The following NUDT7 variants were observed in gnomAD, a reference collection of about 807,000 sequenced individuals.
NUDT7 encodes peroxisomal coenzyme A diphosphatase NUDT7.
NUDT7 carries 19 observed loss-of-function variants against 13.1 expected under a neutral mutation model. That is an observed-to-expected ratio of 1.45 (90% confidence interval 1.01 to 2.13). The LOEUF (loss-of-function observed/expected upper bound fraction) is 2.13, where lower values mean the gene tolerates loss of function less well. Ranked by LOEUF, NUDT7 falls within the 30% of genes most tolerant of loss-of-function variation. The probability of loss-of-function intolerance (pLI) is 0.00; values close to 1 mark genes in which losing one functional copy is unlikely to be tolerated. For missense variants in NUDT7, 360 were observed against 291.7 expected (o/e 1.23, Z -1.71); for synonymous variants, 132 against 109.7 (o/e 1.20, Z -1.27).
In NUDT7 at chr16:77,722,587, C is replaced by G; in HGVS notation, c.5C>G (p.Ser2Ter). Residue 2 changes from serine to a stop codon, truncating the protein, a stop_gained, in exon 1 of 4, where the codon TCA (serine) becomes TGA (stop). Coordinates refer to ENST00000268533, the MANE Select transcript of NUDT7 (RefSeq NM_001105663.3). LOFTEE classifies it high-confidence loss of function. M[S>*]RLGLPEEPVR... is the part of the protein sequence containing the mutation. ...AAACAAACATTCCCCAGGGCAATGTCACGACTTGGTCTTCCCGAGGAGCCA... is the reference window on the plus strand; with the variant it reads ...AAACAAACATTCCCCAGGGCAATGTGACGACTTGGTCTTCCCGAGGAGCCA... The G allele has an allele frequency of 1.3e-6, 2 of 1,592,376 alleles. No homozygotes were observed. Among genetic ancestry groups the G allele is most frequent in the Non-Finnish European group, 1.7e-6 (2 of 1,168,928 alleles).
intron 3 of NUDT7, among the ~76,000 whole-genome samples, chr16:77,738,562 T>C (rs530379596): frequency 3.9e-4 from 59 of 152,238 alleles, no homozygotes; most frequent in African/African-American, 1.4e-3. Context: ...CCCTGGGGAA[T>C]TTGGTAATGT....
At chr16:77,734,320 T>C (rs2014409254) in intron 2 of NUDT7, among the ~76,000 whole-genome samples, 1 of 152,092 alleles carries the variant, frequency 6.6e-6, no homozygotes, top group African/African-American at 2.4e-5. Flanking sequence ...ATGGAAATAA[T>C]AATAGTATAA....
Position 77,735,865 on chromosome 16 carries a change from G to A in NUDT7, c.227G>A (p.Gly76Asp). The A allele has an allele frequency of 6.2e-7, 1 of 1,614,060 alleles. No homozygotes were observed. The highest frequency in any genetic ancestry group is 1.1e-5 in the South Asian group (1 of 91,070). The change falls in exon 3 of 4, where the codon GGT becomes GAT. Residue 76 changes from glycine to aspartate, a missense_variant. Physicochemically the swap from Gly to Asp is moderately conservative, Grantham distance 94. Coordinates refer to ENST00000268533, the MANE Select transcript of NUDT7 (RefSeq NM_001105663.3). ...RAPGEVCFPG[G>D]KRDPTDMDDA... ...CCTGGAGAAGTTTGCTTCCCTGGAG[G>A]TAAGCGTGACCCTACAGACATGGAT...
Position 77,725,496 on chromosome 16 carries a change from A to C in NUDT7, c.101A>C (p.His34Pro). Residue 34 changes from histidine (H) to proline (P), a missense_variant, in exon 2 of 4, where the codon CAC becomes CCC. His to Pro is a moderately conservative substitution (Grantham distance 77). Transcript: ENST00000268533. ...TATGATATTGGAGGCAAATATTCTC[A>C]CTTGCCATATAACAAATACTCCGTC... Reference protein sequence around the residue: ...RKYDIGGKYSHLPYNKYSVLL... With the variant: ...RKYDIGGKYSPLPYNKYSVLL... 6.2e-7 allele frequency: 1 copy of C among 1,613,944 alleles called. No individual in the cohort carries two copies. Among genetic ancestry groups the C allele is most frequent in the Non-Finnish European group, 8.5e-7 (1 of 1,179,850 alleles).
rs1001686160 is a variant in NUDT7 at position 77,735,784 on chromosome 16, A to G, written c.190-44A>G. 6 of 1,570,656 alleles carry G rather than the reference A, an allele frequency of 3.8e-6. No individual in the cohort carries two copies. In the African/African-American group the frequency reaches 4.1e-5, roughly 11 times the overall value. On this transcript the variant is annotated intron_variant, in intron 2 of 3. Transcript: ENST00000268533. ...ATTTGTTGAATGCATAAATAGTTCC[A>G]AAATTAGAATCCCACATTGTAGCGC...
chr16:77,725,581 G>C lies in NUDT7; in HGVS notation c.186G>C (p.Glu62Asp), dbSNP rs758902370. 2.5e-6 allele frequency: 4 copies of C among 1,613,340 alleles called. No homozygotes were observed. Among genetic ancestry groups the C allele is most frequent in the African/African-American group, 2.7e-5 (2 of 74,918 alleles). ...KLHLLFTVRS[E>D]KLRRAPGEVC... ...ATTTGTTGTTCACCGTCCGGTCAGA[G>C]AAGGTAGGTGGACAAAAAATTTCCT... Residue 62 changes from glutamate (E) to aspartate (D), a missense_variant, in exon 2 of 4, where the codon GAG becomes GAC. Glu to Asp is a conservative substitution (Grantham distance 45). Coordinates refer to ENST00000268533, the MANE Select transcript of NUDT7 (RefSeq NM_001105663.3).
At chr16:77,732,243 A>G (rs1567429420) in intron 2 of NUDT7, among the ~76,000 whole-genome samples, 6 of 151,914 alleles carry the variant, frequency 3.9e-5, no homozygotes, top group Admixed American at 3.3e-4. Context: ...CAGGAGAATC[A>G]CTTGAACTCA....
intron 1 of NUDT7, 21 bp downstream of exon 1, chr16:77,722,638 G>C (rs749108292): frequency 1.3e-6 from 2 of 1,583,598 alleles, no homozygotes; most frequent in East Asian, 2.3e-5. Context: ...TCCGGGCCCT[G>C]GCACCCCGAG....
Position 77,735,879 on chromosome 16 carries a change from A to C in NUDT7, c.241A>C (p.Thr81Pro). ...CTTCCCTGGAGGTAAGCGTGACCCTACAGACATGGATGATGCAGCCACAGC... is the reference window on the plus strand; with the variant it reads ...CTTCCCTGGAGGTAAGCGTGACCCTCCAGACATGGATGATGCAGCCACAGC... Reference protein sequence around the residue: ...VCFPGGKRDPTDMDDAATALR... With the variant: ...VCFPGGKRDPPDMDDAATALR... The change falls in exon 3 of 4, where the codon ACA (threonine) becomes CCA (proline). Residue 81 changes from threonine (T) to proline (P), a missense_variant. Physicochemically the swap from Thr to Pro is conservative, Grantham distance 38 (BLOSUM62 -1). Coordinates refer to ENST00000268533, the MANE Select transcript of NUDT7 (RefSeq NM_001105663.3). 1.9e-6 allele frequency: 3 copies of C among 1,614,102 alleles called. No homozygotes were observed. Among genetic ancestry groups the C allele is most frequent in the Non-Finnish European group, 2.5e-6 (3 of 1,179,986 alleles).
Position 77,741,824 on chromosome 16 carries a change from G to T in NUDT7, c.591G>T (p.Val197=), listed in dbSNP as rs371797988. The T allele has an allele frequency of 4.3e-6, 7 of 1,613,988 alleles. No individual in the cohort carries two copies. The highest frequency in any genetic ancestry group is 5.9e-6 in the Non-Finnish European group (7 of 1,180,034). ...QIKGMTANLA[V]LVAFIILEKK... ...AGGGAATGACGGCAAACCTTGCAGT[G>T]TTGGTGGCCTTTATCATTTTGGAAA... Residue 197 remains valine, a synonymous_variant, in exon 4 of 4, where the codon GTG becomes GTT. Coordinates refer to ENST00000268533, the MANE Select transcript of NUDT7 (RefSeq NM_001105663.3).
At chr16:77,728,332 A>T (rs992886533) in intron 2 of NUDT7, among the ~76,000 whole-genome samples, 9 of 152,150 alleles carry the variant, frequency 5.9e-5, no homozygotes, top group Admixed American at 3.3e-4. Context: ...TCTTGGGTTC[A>T]AGCAATTCTC....
intron 3 of NUDT7, among the ~76,000 whole-genome samples, chr16:77,740,640 C>T (rs1279613049): frequency 1.3e-5 from 2 of 152,104 alleles, no homozygotes; most frequent in Non-Finnish European, 2.9e-5. Flanking sequence ...CTCCGCCTCC[C>T]AAGTTCAAGC....
chr16:77,732,506 C>T (rs1222190525), intron 2 of NUDT7, among the ~76,000 whole-genome samples: 6 of 152,110 alleles, frequency 3.9e-5, no homozygotes, highest in Non-Finnish European at 7.3e-5. Flanking sequence ...ATGGTAAATG[C>T]CCCATACTGG....
intron 2 of NUDT7, among the ~76,000 whole-genome samples, chr16:77,726,025 AC>A (rs1414816581): frequency 2.6e-5 from 4 of 152,180 alleles, no homozygotes; most frequent in Non-Finnish European, 5.9e-5. Context: ...AGAATTGCCT[AC>A]TATCCTGGCA....
chr16:77,731,528 T>TA (rs1278949759), intron 2 of NUDT7, among the ~76,000 whole-genome samples: 1 of 152,184 alleles, frequency 6.6e-6, no homozygotes, highest in Non-Finnish European at 1.5e-5. Flanking sequence ...CACATACAAT[T>TA]ATGCACAATA....
At chr16:77,727,407 T>C (rs1356018218) in intron 2 of NUDT7, among the ~76,000 whole-genome samples, 1 of 129,678 alleles carries the variant, frequency 7.7e-6, no homozygotes, top group Non-Finnish European at 1.6e-5. Context: ...GTGTGGATTG[T>C]GTTCGGTCTG....
chr16:77,738,814 T>G (rs931102018), intron 3 of NUDT7, among the ~76,000 whole-genome samples: 4 of 152,262 alleles, frequency 2.6e-5, no homozygotes, highest in African/African-American at 9.6e-5. Context: ...GACATTTATG[T>G]ACTACTTTTT....
intron 2 of NUDT7, among the ~76,000 whole-genome samples, chr16:77,731,154 A>G (rs984510193): frequency 6.6e-6 from 1 of 152,150 alleles, no homozygotes; most frequent in Non-Finnish European, 1.5e-5. Flanking sequence ...ATCATTGCCC[A>G]GCTCAAGGAT....
intron 3 of NUDT7, among the ~76,000 whole-genome samples, chr16:77,736,422 T>C (rs993270703): frequency 3.3e-5 from 5 of 152,240 alleles, no homozygotes; most frequent in Non-Finnish European, 5.9e-5. Flanking sequence ...ATATTCATTT[T>C]TCTACATACT....
Sources: gnomAD v4.1 joint callset for allele counts (sites outside exome capture counted in the v4.1 genomes callset) on GRCh38, gnomAD v4.1.1 for gene constraint, MANE v1.5 for transcripts, NCBI Gene and HGNC (gene_info 2026-07-23, HGNC 2026-07-21) for gene names.